Variants in RCHY1 observed in about 807,000 individuals in gnomAD.
RCHY1 encodes ring finger and CHY zinc finger domain containing 1, also known as RING finger and CHY zinc finger domain-containing protein 1.
Under a neutral mutation model 41.6 loss-of-function variants are expected in RCHY1, and 21 were observed. The observed-to-expected ratio is 0.51, with a 90% CI of 0.36 to 0.73. The LOEUF is 0.73. Among genes scored for constraint, RCHY1 ranks in the 30% least tolerant of loss-of-function variants. The probability of loss-of-function intolerance (pLI) is 0.00; values close to 1 mark genes in which losing one functional copy is unlikely to be tolerated. For missense variants in RCHY1, 265 were observed against 325.3 expected (o/e 0.81, Z 1.43); for synonymous variants, 79 against 102.9 (o/e 0.77, Z 1.41).
intron 3 of RCHY1, chr4:75,494,440 G>A (rs1233528901): frequency 2.0e-5 from 7 of 348,004 alleles, no homozygotes; most frequent in South Asian, 2.0e-4. Flanking sequence ...CACACATTTC[G>A]GGTTTGATTT....
chr4:75,503,717 A>C (rs1349738561), intron 3 of RCHY1, among the ~76,000 whole-genome samples: 1 of 152,104 alleles, frequency 6.6e-6, no homozygotes, highest in Non-Finnish European at 1.5e-5. Context: ...AAAAAAAAAA[A>C]GAAAATATGG....
chr4:75,504,722 A>G (rs57675155), intron 3 of RCHY1, among the ~76,000 whole-genome samples: 2 of 152,154 alleles, frequency 1.3e-5, no homozygotes, highest in Admixed American at 1.3e-4. Flanking sequence ...TTGAGCACAC[A>G]TTATCTTCAA....
intron 8 of RCHY1, among the ~76,000 whole-genome samples, chr4:75,483,023 A>G (rs1013637964): frequency 9.2e-5 from 14 of 152,306 alleles, no homozygotes; most frequent in African/African-American, 3.1e-4. Context: ...ATTATTTTTC[A>G]GTCAGAAATG....
At chr4:75,509,706 C>G (rs1167536211) in intron 1 of RCHY1, 1 of 167,534 alleles carries the variant, frequency 6.0e-6, no homozygotes, top group Non-Finnish European at 1.3e-5. Flanking sequence ...TCTCCCGTGC[C>G]ATTCTCGTGA....
intron 3 of RCHY1, among the ~76,000 whole-genome samples, chr4:75,498,069 CAA>C (rs1723387466): frequency 7.0e-6 from 1 of 143,340 alleles, no homozygotes; most frequent in Admixed American, 6.9e-5. Context: ...ACCAATAAAA[CAA>C]AAGCTGGTGT....
intron 7 of RCHY1, chr4:75,491,313 C>T (rs1033568244): frequency 1.6e-5 from 4 of 257,582 alleles, no homozygotes; most frequent in East Asian, 7.7e-5. Context: ...ATTTTTACAA[C>T]ACTATAACTG....
At chr4:75,487,605 ATATATTCATAATAT>A (rs1722221858) in intron 8 of RCHY1, among the ~76,000 whole-genome samples, 9 of 32,050 alleles carry the variant, frequency 2.8e-4, no homozygotes, top group South Asian at 2.3e-3. Context: ...ATATATTCAT[ATATATTCATAATAT>A]ATATATTCAT....
At chr4:75,496,302 T>G (rs1723200049) in intron 3 of RCHY1, among the ~76,000 whole-genome samples, 1 of 151,064 alleles carries the variant, frequency 6.6e-6, no homozygotes, top group African/African-American at 2.4e-5. Flanking sequence ...GCCTAGAGAG[T>G]TTTGAGGCCA....
At chr4:75,498,306 A>G (rs1007383724) in intron 3 of RCHY1, among the ~76,000 whole-genome samples, 2 of 151,962 alleles carry the variant, frequency 1.3e-5, no homozygotes, top group Non-Finnish European at 2.9e-5. Flanking sequence ...GTAACAAGTA[A>G]TGAGACTGAA....
At chr4:75,503,659 T>C (rs1724015708) in intron 3 of RCHY1, among the ~76,000 whole-genome samples, 1 of 151,712 alleles carries the variant, frequency 6.6e-6, no homozygotes, top group South Asian at 2.1e-4. Flanking sequence ...GCCACTGCAC[T>C]CCAGCCTGGG....
Position 75,491,455 on chromosome 4 carries a change from G to A in RCHY1, c.536+156C>T. The stretch of plus-strand genomic sequence containing the variant: ...TGTAGTTCTATATCCAAGACACTTT[G>A]TCCTGTTTTAACAATATTCATCTAC... On this transcript the variant is annotated intron_variant, in intron 7 of 8. Coordinates refer to ENST00000324439, the MANE Select transcript of RCHY1 (RefSeq NM_015436.4). 6.5e-6 allele frequency: 4 copies of A among 618,646 alleles called. No homozygotes were observed. In the South Asian group the frequency reaches 9.2e-5, roughly 14 times the overall value. 38.3% of individuals were successfully genotyped at this position (618,646 alleles called of 1,614,324 possible). A position where few individuals can be genotyped will look rare whatever the true frequency, so the allele number is the denominator to read the frequency against.
At chr4:75,490,727 C>A in intron 7 of RCHY1, 26 bp from the exon 8 acceptor site, 1 of 1,570,872 alleles carries the variant, frequency 6.4e-7, no homozygotes, top group Non-Finnish European at 8.7e-7. Context: ...AGGTTATTTT[C>A]CAAATATTAA....
chr4:75,493,958 T>C (rs1722963005), intron 4 of RCHY1, 143 bp downstream of exon 4: 2 of 563,562 alleles, frequency 3.5e-6, no homozygotes, highest in South Asian at 2.3e-5. Flanking sequence ...AAATATCTAC[T>C]TGTTAATACT....
chr4:75,496,383 G>C (rs911541917), intron 3 of RCHY1, among the ~76,000 whole-genome samples: 2 of 152,054 alleles, frequency 1.3e-5, no homozygotes, highest in East Asian at 1.9e-4. Flanking sequence ...AGACAGTCTA[G>C]AGAAACCAAG....
chr4:75,489,853 C>T (rs1407888279), intron 8 of RCHY1, among the ~76,000 whole-genome samples: 2 of 152,186 alleles, frequency 1.3e-5, no homozygotes, highest in Admixed American at 1.3e-4. Context: ...TTTCCACCTA[C>T]ACTAAAGCTT....
intron 3 of RCHY1, among the ~76,000 whole-genome samples, chr4:75,498,282 AC>A (rs2148745564): frequency 1.3e-5 from 2 of 152,022 alleles, no homozygotes; most frequent in South Asian, 4.1e-4. Flanking sequence ...CCACAAAAAA[AC>A]CTCAATAAGC....
chr4:75,514,076 G>C (rs959322661), intron 1 of RCHY1, 121 bp downstream of exon 1: 1 of 1,464,064 alleles, frequency 6.8e-7, no homozygotes, highest in African/African-American at 1.4e-5. Flanking sequence ...GTTCCAGGTG[G>C]AAAAGGTATC....
rs181753208 is a variant in RCHY1, at chr4:75,513,677, A to C, written c.90+520T>G. Among the ~76,000 whole-genome samples, 922 of 152,288 alleles carry C rather than the reference A, an allele frequency of 6.1e-3. 33 individuals are homozygous for C. The highest frequency in any genetic ancestry group is 0.05 in the Admixed American group (760 of 15,298). ...CTTATTAGGCACTTTCCTATGCATA[A>C]TTTCCTATTTAATGGCAATTACATG... On this transcript the variant is annotated intron_variant, in intron 1 of 8. Coordinates refer to ENST00000324439, the MANE Select transcript of RCHY1 (RefSeq NM_015436.4).
chr4:75,482,629 T>G lies in RCHY1; in HGVS notation c.695A>C (p.Gln232Pro), dbSNP rs772587125. The stretch of plus-strand genomic sequence containing the variant: ...ACATTTCATGCCTAATATATGAAAC[T>G]GAACAGTGGATCGTCCATTACAGTC... Reference protein sequence around the residue: ...CNDCNGRSTVQFHILGMKCKI... With the variant: ...CNDCNGRSTVPFHILGMKCKI... The change falls in exon 9 of 9, where the codon CAG (glutamine) becomes CCG (proline). Residue 232 changes from glutamine (Q) to proline (P), a missense_variant. Physicochemically the swap from Gln to Pro is moderately conservative, Grantham distance 76. Coordinates refer to ENST00000324439, the MANE Select transcript of RCHY1 (RefSeq NM_015436.4). The G allele has an allele frequency of 6.2e-7, 1 of 1,611,058 alleles. No homozygotes were observed.
Sources: allele counts gnomAD v4.1 joint callset (sites outside exome capture counted in the v4.1 genomes callset), GRCh38; gene constraint gnomAD v4.1.1; transcripts MANE v1.5; gene names NCBI Gene and HGNC (gene_info 2026-07-23, HGNC 2026-07-21).